The following RAP1GDS1 variants were observed in gnomAD, a reference collection of about 807,000 sequenced individuals.
The protein encoded by RAP1GDS1 is Rap1 GTPase-GDP dissociation stimulator 1.
RAP1GDS1 carries 35 observed loss-of-function variants against 71.1 expected under a neutral mutation model. That is an observed-to-expected ratio of 0.49 (90% confidence interval 0.38 to 0.65). The LOEUF (loss-of-function observed/expected upper bound fraction) is 0.65. Among genes scored for constraint, RAP1GDS1 ranks in the 30% least tolerant of loss-of-function variants. The probability of loss-of-function intolerance (pLI) is 0.00; values close to 1 mark genes in which losing one functional copy is unlikely to be tolerated. For missense variants in RAP1GDS1, 663 were observed against 706.1 expected, an observed-to-expected ratio of 0.94 and a Z score of 0.69; for synonymous variants, 229 against 243.1, an observed-to-expected ratio of 0.94 and a Z score of 0.54.
intron 1 of RAP1GDS1, among the ~76,000 whole-genome samples, chr4:98,289,339 C>T (rs892021562): frequency 6.6e-6 from 1 of 151,920 alleles, no homozygotes; most frequent in East Asian, 1.9e-4. Context: ...TAGTTGACTT[C>T]GCCAAGTAAG....
intron 6 of RAP1GDS1, among the ~76,000 whole-genome samples, chr4:98,398,439 T>G (rs1005991978): frequency 2.6e-5 from 4 of 152,134 alleles, no homozygotes; most frequent in Admixed American, 2.0e-4. Flanking sequence ...TTTACAATGC[T>G]GAGGACAAAG....
At chr4:98,336,105 T>G (rs1350997670) in intron 2 of RAP1GDS1, among the ~76,000 whole-genome samples, 1 of 152,122 alleles carries the variant, frequency 6.6e-6, no homozygotes, top group African/African-American at 2.4e-5. Flanking sequence ...TTGCTGAAAA[T>G]ATTTTTTCAC....
At chr4:98,364,334 C>T (rs1451038401) in intron 4 of RAP1GDS1, among the ~76,000 whole-genome samples, 1 of 152,066 alleles carries the variant, frequency 6.6e-6, no homozygotes, top group East Asian at 1.9e-4. Flanking sequence ...ATCTCAGCCA[C>T]CCCTGCCAAA....
intron 5 of RAP1GDS1, among the ~76,000 whole-genome samples, chr4:98,384,020 C>A (rs993109682): frequency 6.6e-6 from 1 of 151,368 alleles, no homozygotes; most frequent in Non-Finnish European, 1.5e-5. Context: ...ATTATTTTTA[C>A]CTTACTCTAA....
rs73834483 is a variant in RAP1GDS1, at chr4:98,411,073, A to C, written c.764-5672A>C. 5.0e-3 allele frequency among the ~76,000 whole-genome samples: 759 copies of C among 152,342 alleles called. 7 individuals are homozygous for C. Among genetic ancestry groups the C allele is most frequent in the South Asian group, 0.018 (87 of 4,828 alleles). On this transcript the variant is annotated intron_variant, in intron 7 of 14. Transcript: ENST00000408927. ...TGGTTTTCTTTCACTCTTTAAAAAA[A>C]GTTTTAAAATACCTATATATGATGC...
At chr4:98,343,368 T>G in intron 3 of RAP1GDS1, 107 bp downstream of exon 3, 1 of 1,345,040 alleles carries the variant, frequency 7.4e-7, no homozygotes, top group South Asian at 1.3e-5. Context: ...ATTAGACATT[T>G]TTTATTTCTA....
Position 98,437,063 on chromosome 4 carries a change from G to A in RAP1GDS1, c.1691G>A (p.Gly564Glu). 2 of 1,595,504 alleles carry A rather than the reference G, an allele frequency of 1.3e-6. No homozygotes were observed. The highest frequency in any genetic ancestry group is 1.1e-5 in the South Asian group (1 of 87,040). Residue 564 changes from glycine to glutamate, a missense_variant, in exon 14 of 15, where the codon GGA becomes GAA. Physicochemically the swap from Gly to Glu is moderately conservative, Grantham distance 98. Coordinates refer to ENST00000408927, the MANE Select transcript of RAP1GDS1 (RefSeq NM_001100427.2). ...NSMVLICALMGSECLHKEVQD... is the reference protein window; with the variant it reads ...NSMVLICALMESECLHKEVQD... ...ATGGTCCTGATATGTGCTCTTATGG[G>A]ATCTGGTAAGTATTCTTCTATCATT... is the stretch of plus-strand genomic sequence containing the variant.
chr4:98,434,695 A>G (rs1750913490), intron 13 of RAP1GDS1, among the ~76,000 whole-genome samples: 1 of 147,530 alleles, frequency 6.8e-6, no homozygotes, highest in Non-Finnish European at 1.5e-5. Flanking sequence ...ATCTCAGCTC[A>G]CTGCAACGTC....
At chr4:98,402,069 T>C (rs941527222) in intron 6 of RAP1GDS1, among the ~76,000 whole-genome samples, 14 of 150,688 alleles carry the variant, frequency 9.3e-5, no homozygotes, top group African/African-American at 3.4e-4. Flanking sequence ...CTACTTACTT[T>C]TTATTTATTT....
intron 9 of RAP1GDS1, among the ~76,000 whole-genome samples, chr4:98,418,040 C>T (rs893669569): frequency 2.6e-5 from 4 of 151,954 alleles, no homozygotes; most frequent in Non-Finnish European, 5.9e-5. Context: ...TGAAATATAC[C>T]GTGTCTAGGA....
chr4:98,318,392 G>A (rs1560824592), intron 2 of RAP1GDS1, among the ~76,000 whole-genome samples: 1 of 152,052 alleles, frequency 6.6e-6, no homozygotes, highest in Non-Finnish European at 1.5e-5. Flanking sequence ...ATTAAATTAG[G>A]CACAGTTAAA....
chr4:98,264,771 C>G (rs1164442186), intron 1 of RAP1GDS1, among the ~76,000 whole-genome samples: 3 of 152,062 alleles, frequency 2.0e-5, no homozygotes, highest in Non-Finnish European at 2.9e-5. Flanking sequence ...GGTTAAACTT[C>G]TTAAAGGTAG....
chr4:98,326,552 T>A (rs1417471444), intron 2 of RAP1GDS1, among the ~76,000 whole-genome samples: 2 of 152,244 alleles, frequency 1.3e-5, no homozygotes, highest in East Asian at 3.8e-4. Context: ...TTGCTTTCTT[T>A]TTCACTACAG....
intron 2 of RAP1GDS1, among the ~76,000 whole-genome samples, chr4:98,325,866 T>C (rs1732982167): frequency 6.6e-6 from 1 of 151,198 alleles, no homozygotes; most frequent in South Asian, 2.1e-4. Context: ...GGCACATGTA[T>C]ACATATGTAA....
chr4:98,287,882 A>G (rs1257878870), intron 1 of RAP1GDS1, among the ~76,000 whole-genome samples: 1 of 152,094 alleles, frequency 6.6e-6, no homozygotes, highest in Admixed American at 6.6e-5. Flanking sequence ...GTGGAACTTC[A>G]TCGTGGAAAC....
At chr4:98,402,071 T>C (rs1477528589) in intron 6 of RAP1GDS1, among the ~76,000 whole-genome samples, 3 of 150,738 alleles carry the variant, frequency 2.0e-5, no homozygotes, top group African/African-American at 7.3e-5. Context: ...ACTTACTTTT[T>C]ATTTATTTTT....
Position 98,313,209 on chromosome 4 carries a change from G to A in RAP1GDS1, c.112+19694G>A, listed in dbSNP as rs75559180. On this transcript the variant is annotated intron_variant, in intron 2 of 14. Coordinates refer to ENST00000408927, the MANE Select transcript of RAP1GDS1 (RefSeq NM_001100427.2). ...TGCAGTTCAACTCTGAAGACTGTCT[G>A]TTAGCAGAATTTCTTCTTATTTGGG... Among the ~76,000 whole-genome samples, 1,166 of 151,218 alleles carry A rather than the reference G, an allele frequency of 7.7e-3. 13 individuals are homozygous for A. Among genetic ancestry groups the A allele is most frequent in the African/African-American group, 0.027 (1,116 of 41,308 alleles).
Position 98,433,491 on chromosome 4 carries a change from C to T in RAP1GDS1, c.1441-445C>T, listed in dbSNP as rs1187542647. ...TTTATTTTTTGTAGAGATGGGGTCT[C>T]GCTATGTTGCCAGGCTGGTCTCAAG... On this transcript the variant is annotated intron_variant, in intron 12 of 14. Coordinates refer to ENST00000408927, the MANE Select transcript of RAP1GDS1 (RefSeq NM_001100427.2). Among the ~76,000 whole-genome samples the T allele has an allele frequency of 4.6e-5, 7 of 152,064 alleles. No individual in the cohort carries two copies. The East Asian group carries it at 1.2e-3, about 25-fold the overall frequency.
At chr4:98,353,494 A>G (rs1401056596) in intron 4 of RAP1GDS1, among the ~76,000 whole-genome samples, 1 of 152,236 alleles carries the variant, frequency 6.6e-6, no homozygotes, top group Non-Finnish European at 1.5e-5. Context: ...TATAAGCCAG[A>G]AAGAAAGGAC....
Sources: gnomAD v4.1 joint callset for allele counts (sites outside exome capture counted in the v4.1 genomes callset) on GRCh38, gnomAD v4.1.1 for gene constraint, MANE v1.5 for transcripts, NCBI Gene and HGNC (gene_info 2026-07-23, HGNC 2026-07-21) for gene names.